Variants in AGXT2 observed in about 807,000 individuals in gnomAD.
AGXT2 encodes alanine--glyoxylate aminotransferase 2, also known as alanine--glyoxylate aminotransferase 2, mitochondrial.
A neutral mutation model predicts 62.5 loss-of-function variants in AGXT2; 61 were observed. The observed-to-expected ratio is 0.98, with a 90% confidence interval of 0.79 to 1.21. AGXT2 has a LOEUF of 1.21. AGXT2 is among the 50% of genes most tolerant of loss of function. The probability of loss-of-function intolerance (pLI) is 0.00; values close to 1 mark genes in which losing one functional copy is unlikely to be tolerated. For synonymous variants in AGXT2, 243 were observed against 218.7 expected (o/e 1.11, Z -0.98); for missense variants, 666 against 641.5 (o/e 1.04, Z -0.41).
chr5:35,032,809 AC>A lies in AGXT2; in HGVS notation c.691del (p.Val231PhefsTer43). 6.2e-7 allele frequency: 1 copy of A among 1,604,654 alleles called. No individual in the cohort carries two copies. Among genetic ancestry groups the A allele is most frequent in the Non-Finnish European group, 8.5e-7 (1 of 1,175,182 alleles). On this transcript the variant is annotated frameshift_variant, in exon 7 of 14. Transcript: ENST00000231420. LOFTEE classifies it high-confidence loss of function. ...TGCQPTMCPD[V>X]FRGPWGGSHC... ...GCTTCCTCCCCAAGGGCCACGAAAAACATCTGGACACATTGTCTGCAAATGA... is the reference window on the plus strand; with the variant it reads ...GCTTCCTCCCCAAGGGCCACGAAAAAATCTGGACACATTGTCTGCAAATGA...
rs147431828 is a variant in AGXT2 at position 35,007,953 on chromosome 5, TTCTC to T, written c.1338+2043_1338+2046del. Among the ~76,000 whole-genome samples the T allele has an allele frequency of 1.2e-4, 18 of 150,512 alleles. No homozygotes were observed. In the East Asian group the frequency reaches 3.1e-3, roughly 26 times the overall value. On this transcript the variant is annotated intron_variant, in intron 12 of 13. Transcript: ENST00000231420. ...ACCTACCAACCCCTAATCTCTTGCT[TTCTC>T]TCTCTCTCTCTCTCCCTCATCAGTG...
At chr5:35,035,689 T>G (rs168249) in intron 4 of AGXT2, among the ~76,000 whole-genome samples, 142,648 of 152,206 alleles carry the variant, frequency 0.94, 67,333 homozygotes, top group Non-Finnish European at 1. Context: ...CCCAGTCACC[T>G]GATTCTAAAG....
chr5:35,028,558 TGAGAGAGA>T (rs541190371), intron 7 of AGXT2, among the ~76,000 whole-genome samples: 272 of 10,494 alleles, frequency 0.026, 5 homozygotes, highest in African/African-American at 0.059. Context: ...GCAGGAAAGG[TGAGAGAGA>T]GAGAGAGAGA....
intron 2 of AGXT2, 75 bp from the exon 3 acceptor site, chr5:35,039,583 C>T: frequency 2.0e-6 from 3 of 1,497,158 alleles, no homozygotes; most frequent in Non-Finnish European, 1.9e-6. Context: ...TAACAGAGCC[C>T]AGGCTCTCTA....
intron 9 of AGXT2, among the ~76,000 whole-genome samples, chr5:35,015,147 T>C (rs1300687682): frequency 1.3e-5 from 2 of 152,200 alleles, no homozygotes; most frequent in Non-Finnish European, 2.9e-5. Context: ...CTGAAGGTTC[T>C]CCTGAGCCTT....
intron 7 of AGXT2, among the ~76,000 whole-genome samples, chr5:35,027,483 GC>G (rs1270285354): frequency 6.6e-6 from 1 of 151,978 alleles, no homozygotes; most frequent in African/African-American, 2.4e-5. Context: ...TTTAAAACTT[GC>G]TTTCTTATTC....
In AGXT2 at chr5:35,035,232, T is replaced by C; in HGVS notation, c.571A>G (p.Ile191Val). Residue 191 changes from isoleucine (I) to valine (V), a missense_variant, in exon 5 of 14, where the codon ATT becomes GTT. Physicochemically the swap from Ile to Val is conservative, Grantham distance 29 (BLOSUM62 3). Coordinates refer to ENST00000231420, the MANE Select transcript of AGXT2 (RefSeq NM_031900.4). ...CCAAGTTGTGATTACCTGAAAGAAA[T>C]GATGTCTATGTTGTTTGAGTGCGCC... ...ARAHSNNIDI[I>V]SFRGAYHGCS... is the part of the protein sequence containing the mutation. 1.9e-6 allele frequency: 3 copies of C among 1,614,034 alleles called. No individual in the cohort carries two copies. The highest frequency in any genetic ancestry group is 2.5e-6 in the Non-Finnish European group (3 of 1,179,904).
At chr5:35,013,378 C>A (rs1481978135) in intron 10 of AGXT2, among the ~76,000 whole-genome samples, 3 of 152,218 alleles carry the variant, frequency 2.0e-5, no homozygotes, top group Non-Finnish European at 4.4e-5. Flanking sequence ...TCTCCCACCC[C>A]TCTCCTCTTT....
chr5:35,007,001 A>G (rs558848383), intron 12 of AGXT2, among the ~76,000 whole-genome samples: 1 of 152,334 alleles, frequency 6.6e-6, no homozygotes, highest in South Asian at 2.1e-4. Flanking sequence ...GGTGACACAG[A>G]GTGAATGTTT....
At position 35,010,033 on chromosome 5, in the gene AGXT2, A is replaced by G. The variant is rs466067; in HGVS notation, c.1305T>C (p.Gly435=). ...GCACCATTTCTATGCCTATCATGAG[A>G]CCTTTGCCTCGGACGTCTCCAACAA... The part of the protein sequence containing the change: ...FEIVGDVRGK[G]LMIGIEMVQD... Residue 435 remains glycine, a synonymous_variant, in exon 12 of 14, where the codon GGT becomes GGC. Transcript: ENST00000231420. 0.98 allele frequency: 1,583,542 copies of G among 1,614,192 alleles called. 778,423 individuals carry two copies. The highest frequency in any genetic ancestry group is 1 in the Non-Finnish European group (1,179,590 of 1,180,060).
chr5:35,044,772 T>C (rs1246745087), intron 1 of AGXT2, among the ~76,000 whole-genome samples: 1 of 152,226 alleles, frequency 6.6e-6, no homozygotes, highest in Non-Finnish European at 1.5e-5. Context: ...TGGGTGGGTC[T>C]TCTTCCGCAC....
intron 13 of AGXT2, among the ~76,000 whole-genome samples, chr5:35,002,733 G>A (rs1440163265): frequency 6.6e-6 from 1 of 152,010 alleles, no homozygotes; most frequent in Non-Finnish European, 1.5e-5. Flanking sequence ...GAACTTCTAT[G>A]ATGTATAAGC....
chr5:35,026,396 G>C lies in AGXT2; in HGVS notation c.870+14C>G, dbSNP rs756531820. Reference sequence around the variant, plus strand: ...AGATTCAGCTCCATTAATGTCTAAGGTTCATATACCCACTTGAATAGGTTC... The same window carrying C: ...AGATTCAGCTCCATTAATGTCTAAGCTTCATATACCCACTTGAATAGGTTC... On this transcript the variant is annotated intron_variant, in intron 8 of 13. Coordinates refer to ENST00000231420, the MANE Select transcript of AGXT2 (RefSeq NM_031900.4). 3.1e-6 allele frequency: 5 copies of C among 1,603,222 alleles called. No homozygotes were observed. The South Asian group carries it at 5.5e-5, about 18-fold the overall frequency.
At chr5:35,026,960 GTCTT>G in intron 7 of AGXT2, 1 of 984,702 alleles carries the variant, frequency 1.0e-6, no homozygotes, top group Non-Finnish European at 1.2e-6. Flanking sequence ...GCTACAAAGT[GTCTT>G]TGTCTTTAGA....
At chr5:35,044,711 C>A (rs902116600) in intron 1 of AGXT2, among the ~76,000 whole-genome samples, 1 of 152,138 alleles carries the variant, frequency 6.6e-6, no homozygotes. Context: ...CACACAGGGG[C>A]AGTTGTGGCT....
At chr5:35,037,114 C>T (rs1361662492) in intron 3 of AGXT2, 49 bp from the exon 4 acceptor site, 2 of 1,612,104 alleles carry the variant, frequency 1.2e-6, no homozygotes, top group Non-Finnish European at 1.7e-6. Context: ...CCACGTCCCT[C>T]CTGCACACAC....
At chr5:35,032,709 G>T (rs764797909) in intron 7 of AGXT2, 23 bp downstream of exon 7, 29 of 1,581,476 alleles carry the variant, frequency 1.8e-5, no homozygotes, top group Non-Finnish European at 2.3e-5. Flanking sequence ...CACTCCACTG[G>T]CACCCCCCTT....
chr5:35,026,653 T>C, intron 7 of AGXT2, 143 bp from the exon 8 acceptor site: 1 of 974,008 alleles, frequency 1.0e-6, no homozygotes, highest in South Asian at 1.5e-5. Context: ...TACGGTAAAC[T>C]GGGGTGAGGA....
chr5:35,044,505 G>A (rs566837855), intron 1 of AGXT2, among the ~76,000 whole-genome samples: 21 of 152,328 alleles, frequency 1.4e-4, no homozygotes, highest in Middle Eastern at 3.4e-3. Context: ...TGAATGCCAG[G>A]TGCCTGCATC....
Sources: allele counts gnomAD v4.1 joint callset (sites outside exome capture counted in the v4.1 genomes callset), GRCh38; gene constraint gnomAD v4.1.1; transcripts MANE v1.5; gene names NCBI Gene and HGNC (gene_info 2026-07-23, HGNC 2026-07-21).